Variants in FAH observed in about 807,000 individuals in gnomAD.
FAH encodes fumarylacetoacetate hydrolase.
FAH carries 47 observed loss-of-function variants against 55.8 expected under a neutral mutation model. The observed-to-expected ratio is 0.84, with a 90% CI of 0.67 to 1.07. The LOEUF (loss-of-function observed/expected upper bound fraction) is 1.07. Ranked by LOEUF, FAH falls within the 50% of genes least tolerant of loss-of-function variation. FAH has a pLI of 0.00. For synonymous variants in FAH, 199 were observed against 207.7 expected, an observed-to-expected ratio of 0.96 and a Z score of 0.36; for missense variants, 495 against 545.9, an observed-to-expected ratio of 0.91 and a Z score of 0.93.
chr15:80,165,782 C>G (rs1193887581), intron 5 of FAH: 1 of 151,664 alleles, frequency 6.6e-6, no homozygotes. Flanking sequence ...CTGGTTTCCT[C>G]TAGGGTGAGG....
At position 80,186,336 on chromosome 15, in the gene FAH, C is replaced by G; in HGVS notation, c.*127C>G. The G allele has an allele frequency of 1.3e-6, 1 of 768,674 alleles. No individual in the cohort carries two copies. Among genetic ancestry groups the G allele is most frequent in the Non-Finnish European group, 2.3e-6 (1 of 433,114 alleles). The allele number at this position is 768,674 out of a possible 1,614,324, so 47.6% of individuals were successfully genotyped here. On this transcript the variant is annotated 3_prime_UTR_variant, in exon 14 of 14. Coordinates refer to ENST00000561421, the MANE Select transcript of FAH (RefSeq NM_000137.4). The stretch of plus-strand genomic sequence containing the variant: ...CAAATAAAGCCATTGTGCTCTGAGG[C>G]CTGCACTGCCGCAGATGCAGCTGTG...
At chr15:80,157,019 G>C (rs2041105558) in intron 1 of FAH, 2 of 152,238 alleles carry the variant, frequency 1.3e-5, no homozygotes, top group Admixed American at 1.3e-4. Context: ...AAAGCCACTT[G>C]GATTCAGGTG....
chr15:80,186,474 G>A (rs1268492237), downstream of FAH: 1 of 529,212 alleles, frequency 1.9e-6, no homozygotes, highest in Non-Finnish European at 3.4e-6. Flanking sequence ...GTCTTTGTGG[G>A]ATTTTCTTAT....
At chr15:80,158,310 G>A (rs2041117706) in intron 2 of FAH, 140 bp downstream of exon 2, 1 of 765,120 alleles carries the variant, frequency 1.3e-6, no homozygotes, top group Admixed American at 2.0e-5. Context: ...ATAAGGCTGG[G>A]GTTGTTTTGA....
At chr15:80,172,847 G>T (rs1246091747) in intron 8 of FAH, among the ~76,000 whole-genome samples, 167 bp from the exon 9 acceptor site, 1 of 152,148 alleles carries the variant, frequency 6.6e-6, no homozygotes, top group Non-Finnish European at 1.5e-5. Flanking sequence ...CTCTGTCCTT[G>T]GCATTGAATG....
chr15:80,181,477 C>G (rs1212958994), intron 13 of FAH, among the ~76,000 whole-genome samples: 1 of 152,154 alleles, frequency 6.6e-6, no homozygotes, highest in African/African-American at 2.4e-5. Flanking sequence ...ACTTGGTGAC[C>G]TATGACTAGG....
intron 1 of FAH, 93 bp from the exon 2 acceptor site, chr15:80,157,967 C>T (rs2041112970): frequency 2.2e-6 from 2 of 893,610 alleles, no homozygotes; most frequent in Non-Finnish European, 3.8e-6. Context: ...AAAGGGGGAC[C>T]TGTGGACTCT....
intron 10 of FAH, chr15:80,177,294 T>C: frequency 1.8e-6 from 1 of 554,212 alleles, no homozygotes; most frequent in Non-Finnish European, 3.2e-6. Flanking sequence ...AGAGCAAACA[T>C]GTGCTGTGAT....
chr15:80,186,125 T>A lies in FAH; in HGVS notation c.1181-5T>A, dbSNP rs2041368522. On this transcript the variant is annotated splice_region_variant and splice_polypyrimidine_tract_variant and intron_variant, in intron 13 of 13. Transcript: ENST00000561421. ...GTGACTGATCCTTGTCCTCCTCTGT[T>A]CCAGGGTACTGCCAGGGGGATGGTT... 6.2e-7 allele frequency: 1 copy of A among 1,613,850 alleles called. No individual in the cohort carries two copies. The highest frequency in any genetic ancestry group is 1.7e-5 in the Admixed American group (1 of 60,006).
intron 10 of FAH, 44 bp downstream of exon 10, chr15:80,175,135 T>C (rs924309244): frequency 1.3e-6 from 2 of 1,525,642 alleles, no homozygotes; most frequent in South Asian, 1.1e-5. Context: ...TCTGAGGCAA[T>C]GTGTGCCTGT....
At position 80,180,192 on chromosome 15, in the gene FAH, G is replaced by A. The variant is rs772334351; in HGVS notation, c.1029G>A (p.Gly343=). ...HSVNGCNLRP[G]DLLASGTISG... is the part of the protein sequence containing the mutation. ...TCAACGGCTGCAACCTGCGGCCGGG[G>A]GACCTCCTGGCTTCTGGGACCATCA... The change falls in exon 12 of 14, where the codon GGG becomes GGA. Residue 343 remains glycine, a synonymous_variant. Transcript: ENST00000561421. 1.8e-5 allele frequency: 29 copies of A among 1,609,198 alleles called. No individual in the cohort carries two copies. In the East Asian group the frequency reaches 2.0e-4, roughly 11 times the overall value.
upstream of FAH, chr15:80,152,887 C>T (rs1047324737): frequency 1.6e-6 from 1 of 608,646 alleles, no homozygotes; most frequent in Non-Finnish European, 2.9e-6. Context: ...GGGGTGTTCA[C>T]GGTGAGACCA....
chr15:80,178,213 TA>T (rs113678761), intron 11 of FAH, among the ~76,000 whole-genome samples: 39,827 of 151,614 alleles, frequency 0.26, 5,608 homozygotes, highest in East Asian at 0.55. Context: ...AAATAAAAAT[TA>T]AAAAAAGTGC....
intron 5 of FAH, among the ~76,000 whole-genome samples, chr15:80,164,925 T>G (rs1368013474): frequency 2.6e-5 from 4 of 152,234 alleles, no homozygotes; most frequent in Admixed American, 1.3e-4. Context: ...TTTTATTTCT[T>G]TAGTTAACAA....
At chr15:80,178,932 C>T (rs1340787655) in intron 11 of FAH, among the ~76,000 whole-genome samples, 1 of 152,228 alleles carries the variant, frequency 6.6e-6, no homozygotes, top group African/African-American at 2.4e-5. Flanking sequence ...AATCGATGGA[C>T]ATTTGGTTGT....
chr15:80,174,966 G>T, intron 9 of FAH, 50 bp from the exon 10 acceptor site: 1 of 1,557,104 alleles, frequency 6.4e-7, no homozygotes, highest in Non-Finnish European at 8.9e-7. Flanking sequence ...CCAGCCGGGT[G>T]AGCTCAGCCC....
At chr15:80,171,258 C>A (rs2142100268) in intron 7 of FAH, among the ~76,000 whole-genome samples, 1 of 151,864 alleles carries the variant, frequency 6.6e-6, no homozygotes, top group African/African-American at 2.4e-5. Context: ...CCCCACCCCA[C>A]AACAGACTGG....
intron 1 of FAH, chr15:80,155,927 A>C (rs2041095184): frequency 2.1e-6 from 1 of 478,422 alleles, no homozygotes; most frequent in Non-Finnish European, 4.1e-6. Flanking sequence ...TACAAACTTC[A>C]AAGAGGAACC....
In FAH at chr15:80,175,097, T is replaced by C. The variant is rs775807454; in HGVS notation, c.913+6T>C. The C allele has an allele frequency of 6.2e-7, 1 of 1,613,118 alleles. No homozygotes were observed. Among genetic ancestry groups the C allele is most frequent in the Non-Finnish European group, 8.5e-7 (1 of 1,179,108 alleles). ...CCTCTCTGTTAACCTGAAAGGTATG[T>C]TGTAGGGGGACTGACATGGCCAGGA... On this transcript the variant is annotated splice_donor_region_variant and intron_variant, in intron 10 of 13. Coordinates refer to ENST00000561421, the MANE Select transcript of FAH (RefSeq NM_000137.4).
Sources: gnomAD v4.1 joint callset for allele counts (sites outside exome capture counted in the v4.1 genomes callset) on GRCh38, gnomAD v4.1.1 for gene constraint, MANE v1.5 for transcripts, NCBI Gene and HGNC (gene_info 2026-07-23, HGNC 2026-07-21) for gene names.